SNTG2: variants seen among roughly 807,000 people sequenced by gnomAD.
SNTG2 encodes syntrophin gamma 2, also known as gamma-2-syntrophin.
SNTG2 carries 74 observed loss-of-function variants against 70.9 expected under a neutral mutation model. The ratio of observed to expected loss-of-function variants is 1.04; its 90% confidence interval spans 0.86 to 1.27. The LOEUF (loss-of-function observed/expected upper bound fraction) is 1.27. SNTG2 is among the 50% of genes most tolerant of loss of function. The pLI, the probability that SNTG2 is intolerant of heterozygous loss-of-function variation, is 0.00. For synonymous variants in SNTG2, 278 were observed against 273.8 expected (o/e 1.02, Z -0.15); for missense variants, 717 against 690.7 (o/e 1.04, Z -0.43).
intron 8 of SNTG2, among the ~76,000 whole-genome samples, chr2:1,194,084 C>T (rs1672759999): frequency 6.6e-6 from 1 of 152,212 alleles, no homozygotes; most frequent in South Asian, 2.1e-4. Flanking sequence ...TTTCCTCTAC[C>T]ACATTAGTGT....
At chr2:956,234 CCCCTG>C (rs1660150960) in intron 1 of SNTG2, among the ~76,000 whole-genome samples, 1 of 114,906 alleles carries the variant, frequency 8.7e-6, no homozygotes, top group Non-Finnish European at 1.8e-5. Flanking sequence ...CCCTGCCCCA[CCCCTG>C]CCCCGCCCCG....
Position 1,165,533 on chromosome 2 carries a change from T to C in SNTG2, c.412-15T>C, listed in dbSNP as rs746588170. ...TTTGTGGTGGTAAAAGTAGCTATTTTTGTCATATTGACAGGTGCATCTGCT... is the reference window on the plus strand; with the variant it reads ...TTTGTGGTGGTAAAAGTAGCTATTTCTGTCATATTGACAGGTGCATCTGCT... On this transcript the variant is annotated splice_polypyrimidine_tract_variant and intron_variant, in intron 6 of 16. Transcript: ENST00000308624. 2.5e-6 allele frequency: 4 copies of C among 1,609,518 alleles called. No homozygotes were observed. Among genetic ancestry groups the C allele is most frequent in the Admixed American group, 1.7e-5 (1 of 59,464 alleles).
At chr2:1,090,941 C>G (rs770638709) in intron 2 of SNTG2, among the ~76,000 whole-genome samples, 1 of 152,276 alleles carries the variant, frequency 6.6e-6, no homozygotes, top group East Asian at 1.9e-4. Context: ...TTCTATCTAC[C>G]GGGAGACTGC....
intron 1 of SNTG2, among the ~76,000 whole-genome samples, chr2:1,045,178 A>G (rs1661662187): frequency 6.6e-6 from 1 of 152,010 alleles, no homozygotes; most frequent in South Asian, 2.1e-4. Context: ...GTTTGTGTGC[A>G]TAGTGGTGTT....
At chr2:1,039,490 A>G (rs1188707097) in intron 1 of SNTG2, among the ~76,000 whole-genome samples, 1 of 152,224 alleles carries the variant, frequency 6.6e-6, no homozygotes, top group Non-Finnish European at 1.5e-5. Context: ...GTCATTCAAC[A>G]GCATGAAGTT....
At chr2:990,126 C>G (rs1661442386) in intron 1 of SNTG2, among the ~76,000 whole-genome samples, 1 of 152,250 alleles carries the variant, frequency 6.6e-6, no homozygotes, top group Non-Finnish European at 1.5e-5. Context: ...TTGCTGCCAT[C>G]TTTTCCTTCT....
chr2:1,280,332 G>A (rs915254582), intron 14 of SNTG2, among the ~76,000 whole-genome samples: 2 of 152,166 alleles, frequency 1.3e-5, no homozygotes, highest in Non-Finnish European at 2.9e-5. Context: ...TCTTCATTAT[G>A]TACATGAACC....
chr2:1,021,402 C>T (rs1313061626), intron 1 of SNTG2, among the ~76,000 whole-genome samples: 1 of 152,100 alleles, frequency 6.6e-6, no homozygotes, highest in Non-Finnish European at 1.5e-5. Context: ...CCAGAAATGG[C>T]ATGCCCCATT....
intron 8 of SNTG2, among the ~76,000 whole-genome samples, chr2:1,185,180 A>T (rs1359254655): frequency 6.6e-6 from 1 of 152,114 alleles, no homozygotes; most frequent in Admixed American, 6.5e-5. Flanking sequence ...CATCCAGGCC[A>T]CTCTGATGCA....
At chr2:1,131,821 T>G (rs1003104757) in intron 4 of SNTG2, among the ~76,000 whole-genome samples, 2 of 151,970 alleles carry the variant, frequency 1.3e-5, no homozygotes, top group Non-Finnish European at 2.9e-5. Flanking sequence ...CAGCTAAGTT[T>G]TTGTATTTTT....
intron 8 of SNTG2, among the ~76,000 whole-genome samples, chr2:1,186,434 T>G (rs1672256146): frequency 6.6e-6 from 1 of 152,238 alleles, no homozygotes; most frequent in Admixed American, 6.5e-5. Context: ...GTGGTACCAA[T>G]TTTCTGTATT....
At chr2:1,002,093 A>AC (rs774994045) in intron 1 of SNTG2, among the ~76,000 whole-genome samples, 10 of 152,302 alleles carry the variant, frequency 6.6e-5, no homozygotes, top group Admixed American at 2.0e-4. Flanking sequence ...CATAGCTCTC[A>AC]CCATATACGA....
chr2:1,161,171 G>C (rs1384916823), intron 6 of SNTG2: 1 of 152,376 alleles, frequency 6.6e-6, no homozygotes, highest in African/African-American at 2.4e-5. Context: ...TGTAATCCCA[G>C]CACTACGGGG....
At chr2:1,024,760 ATAAAG>A (rs1441918201) in intron 1 of SNTG2, among the ~76,000 whole-genome samples, 1 of 152,226 alleles carries the variant, frequency 6.6e-6, no homozygotes, top group Non-Finnish European at 1.5e-5. Flanking sequence ...TCTTTGAAAA[ATAAAG>A]TAATAAAGCA....
At chr2:1,311,008 C>T (rs4641984) in intron 15 of SNTG2, among the ~76,000 whole-genome samples, 8,391 of 152,198 alleles carry the variant, frequency 0.055, 452 homozygotes, top group East Asian at 0.21. Context: ...TGACAGCGTG[C>T]GTATCCCTCA....
intron 9 of SNTG2, 120 bp from the exon 10 acceptor site, chr2:1,237,768 G>T: frequency 7.8e-7 from 1 of 1,278,168 alleles, no homozygotes; most frequent in Middle Eastern, 2.8e-4. Flanking sequence ...AGGAAGTGGT[G>T]CAGTTGCCCC....
At chr2:1,026,422 T>A (rs990398387) in intron 1 of SNTG2, among the ~76,000 whole-genome samples, 3 of 152,228 alleles carry the variant, frequency 2.0e-5, no homozygotes, top group African/African-American at 7.2e-5. Flanking sequence ...TCATTAGAGT[T>A]ACCAGTACAG....
At position 1,353,928 on chromosome 2, in the gene SNTG2, G is replaced by A. The variant is rs554550721; in HGVS notation, c.1489-13415G>A. ...CTGGTGATAGATGGGGCATGCCTGC[G>A]CGTAAAGAGTGGGAAAGAAAAAACG... On this transcript the variant is annotated intron_variant, in intron 16 of 16. Coordinates refer to ENST00000308624, the MANE Select transcript of SNTG2 (RefSeq NM_018968.4). This position sits in a 1 kb window ranked among gnomAD's most constrained non-coding sequence, Gnocchi z 4.2. The A allele has an allele frequency of 5.3e-5, 8 of 152,306 alleles. No individual in the cohort carries two copies. The highest frequency in any genetic ancestry group is 4.1e-4 in the South Asian group (2 of 4,832). 9.4% of individuals were successfully genotyped at this position (152,306 alleles called of 1,614,324 possible). A position where few individuals can be genotyped will look rare whatever the true frequency, so the allele number is the denominator to read the frequency against.
chr2:1,236,891 C>T (rs1207957917), intron 9 of SNTG2, among the ~76,000 whole-genome samples: 1 of 151,828 alleles, frequency 6.6e-6, no homozygotes, highest in African/African-American at 2.4e-5. Flanking sequence ...CAGTTAGCTG[C>T]TTGAGACCAT....
Sources: allele counts gnomAD v4.1 joint callset (sites outside exome capture counted in the v4.1 genomes callset), GRCh38; gene constraint gnomAD v4.1.1; non-coding constraint Gnocchi (gnomAD v3.1); transcripts MANE v1.5; gene names NCBI Gene and HGNC (gene_info 2026-07-23, HGNC 2026-07-21).